Variants in VPS26A observed in about 807,000 individuals in gnomAD.
The protein encoded by VPS26A is VPS26 retromer complex component A, also known as vacuolar protein sorting-associated protein 26A.
Under a neutral mutation model 42.4 loss-of-function variants are expected in VPS26A, and 22 were observed. That is an observed-to-expected ratio of 0.52 (90% CI 0.37 to 0.74). The LOEUF (loss-of-function observed/expected upper bound fraction) is 0.74, where lower values mean the gene tolerates loss of function less well. Among genes scored for constraint, VPS26A ranks in the 30% least tolerant of loss-of-function variants. The pLI, the probability that VPS26A is intolerant of heterozygous loss-of-function variation, is 0.00. For synonymous variants in VPS26A, 110 were observed against 123.5 expected (o/e 0.89, Z 0.73); for missense variants, 276 against 379.2 (o/e 0.73, Z 2.26).
chr10:69,152,924 C>A (rs1214742875), intron 2 of VPS26A, among the ~76,000 whole-genome samples: 1 of 150,228 alleles, frequency 6.7e-6, no homozygotes, highest in African/African-American at 2.5e-5. Flanking sequence ...GAGCCAAGAT[C>A]GTGCCACTGC....
At chr10:69,135,811 T>G (rs764566099) in intron 2 of VPS26A, among the ~76,000 whole-genome samples, 1 of 152,140 alleles carries the variant, frequency 6.6e-6, no homozygotes, top group Non-Finnish European at 1.5e-5. Context: ...ACAACAAAAA[T>G]AAATTATTAT....
intron 2 of VPS26A, among the ~76,000 whole-genome samples, chr10:69,147,753 G>A (rs1325064186): frequency 6.6e-6 from 1 of 151,716 alleles, no homozygotes; most frequent in South Asian, 2.1e-4. Context: ...CTGCTCTGTC[G>A]CCAGGCTGGA....
chr10:69,129,765 C>T lies in VPS26A; in HGVS notation c.4-3133C>T, dbSNP rs182749490. Among the ~76,000 whole-genome samples the T allele has an allele frequency of 2.6e-3, 401 of 152,240 alleles. 3 individuals are homozygous for T. The highest frequency in any genetic ancestry group is 0.02 in the East Asian group (106 of 5,182). On this transcript the variant is annotated intron_variant, in intron 1 of 8. Coordinates refer to ENST00000263559, the MANE Select transcript of VPS26A (RefSeq NM_004896.5). The stretch of plus-strand genomic sequence containing the variant: ...GTCTCGAACTCCTGACCTTGTGATT[C>T]GCCCACCTTGGCCTCCCAAAGTGCT...
rs869048277 is a variant in VPS26A, at chr10:69,149,734, G to GTTTTT, written c.154-6052_154-6048dup. On this transcript the variant is annotated intron_variant, in intron 2 of 8. Transcript: ENST00000263559. ...AATGTTAACTTTCTTGGTGTTTTTT[G>GTTTTT]TTTTTTTTTTTTTTTTTTTTTTTTT... Among the ~76,000 whole-genome samples the GTTTTT allele has an allele frequency of 2.3e-3, 49 of 21,396 alleles. 2 individuals are homozygous for GTTTTT. The highest frequency in any genetic ancestry group is 3.0e-3 in the East Asian group (3 of 1,002). The allele number at this position is 21,396 out of a possible 152,430, so 14.0% of individuals were successfully genotyped here.
intron 5 of VPS26A, among the ~76,000 whole-genome samples, chr10:69,160,493 C>G (rs1270395852): frequency 6.7e-6 from 1 of 150,284 alleles, no homozygotes; most frequent in Non-Finnish European, 1.5e-5. Context: ...TCTCTGTCGT[C>G]CCGTCTGGAG....
intron 1 of VPS26A, among the ~76,000 whole-genome samples, chr10:69,126,609 C>G (rs979667016): frequency 3.6e-4 from 55 of 151,470 alleles, no homozygotes; most frequent in African/African-American, 1.3e-3. Context: ...GAATTGCTGT[C>G]TGCATCATAT....
In VPS26A at chr10:69,171,504, C is replaced by CTTT; in HGVS notation, c.*244_*246dup. 3.1e-5 allele frequency: 9 copies of CTTT among 289,516 alleles called. No individual in the cohort carries two copies. The highest frequency in any genetic ancestry group is 5.6e-5 in the Admixed American group (1 of 17,864). 17.9% of individuals were successfully genotyped at this position (289,516 alleles called of 1,614,324 possible). A position where few individuals can be genotyped will look rare whatever the true frequency, so the allele number is the denominator to read the frequency against. Reference sequence around the variant, plus strand: ...AAACACTGGAACTTTGTTAAGCTGCCTTTTTTTTTTTAACTTCCTACTTTG... The same window carrying CTTT: ...AAACACTGGAACTTTGTTAAGCTGCCTTTTTTTTTTTTTTAACTTCCTACTTTG... On this transcript the variant is annotated 3_prime_UTR_variant, in exon 9 of 9. Coordinates refer to ENST00000263559, the MANE Select transcript of VPS26A (RefSeq NM_004896.5).
chr10:69,126,116 A>C (rs1293323006), intron 1 of VPS26A, among the ~76,000 whole-genome samples: 2 of 152,172 alleles, frequency 1.3e-5, no homozygotes, highest in Non-Finnish European at 2.9e-5. Context: ...CAATATTCCA[A>C]ATGCGCCCTT....
chr10:69,134,545 T>A (rs1003328106), intron 2 of VPS26A, among the ~76,000 whole-genome samples: 1 of 152,208 alleles, frequency 6.6e-6, no homozygotes, highest in Admixed American at 6.5e-5. Context: ...CAAGGCAGCA[T>A]TGAATATGAT....
intron 2 of VPS26A, among the ~76,000 whole-genome samples, chr10:69,152,661 T>C (rs1841339947): frequency 6.6e-6 from 1 of 152,178 alleles, no homozygotes; most frequent in Non-Finnish European, 1.5e-5. Context: ...AAAAGTTACA[T>C]TACCAGCATT....
At chr10:69,137,319 A>G (rs983022576) in intron 2 of VPS26A, among the ~76,000 whole-genome samples, 7 of 152,366 alleles carry the variant, frequency 4.6e-5, no homozygotes, top group African/African-American at 1.4e-4. Context: ...TTAGAAGTCC[A>G]GGTGGAGGTT....
At chr10:69,150,090 A>C (rs1841266510) in intron 2 of VPS26A, among the ~76,000 whole-genome samples, 2 of 149,160 alleles carry the variant, frequency 1.3e-5, no homozygotes, top group Non-Finnish European at 3.0e-5. Flanking sequence ...TTTGAGACTG[A>C]GTCTTACTCT....
chr10:69,173,487 T>C lies in VPS26A; in HGVS notation c.*2218T>C, dbSNP rs956462541. Among the ~76,000 whole-genome samples the C allele has an allele frequency of 6.6e-6, 1 of 151,936 alleles. No individual in the cohort carries two copies. The highest frequency in any genetic ancestry group is 2.4e-5 in the African/African-American group (1 of 41,370). On this transcript the variant is annotated 3_prime_UTR_variant, in exon 9 of 9. Coordinates refer to ENST00000263559, the MANE Select transcript of VPS26A (RefSeq NM_004896.5). Reference sequence around the variant, plus strand: ...AAAATTAACAATGAGCTGGGCATGGTGGCATGCACCTGTATTTCCAGCTAT... The same window carrying C: ...AAAATTAACAATGAGCTGGGCATGGCGGCATGCACCTGTATTTCCAGCTAT...
rs551905291 is a variant in VPS26A, at chr10:69,163,854, C to T, written c.658+1342C>T. On this transcript the variant is annotated intron_variant, in intron 6 of 8. Transcript: ENST00000263559. ...AATCTCGGCTCACTGCAAGCTCCGCCTCCAGGGTTCACGCCATTCTCCTGC... is the reference window on the plus strand; with the variant it reads ...AATCTCGGCTCACTGCAAGCTCCGCTTCCAGGGTTCACGCCATTCTCCTGC... Among the ~76,000 whole-genome samples, 7 of 150,932 alleles carry T rather than the reference C, an allele frequency of 4.6e-5. No individual in the cohort carries two copies. In the East Asian group the frequency reaches 1.4e-3, roughly 29 times the overall value.
intron 2 of VPS26A, among the ~76,000 whole-genome samples, chr10:69,151,964 TTTTC>T (rs1388674710): frequency 6.6e-6 from 1 of 152,172 alleles, no homozygotes; most frequent in Non-Finnish European, 1.5e-5. Flanking sequence ...TAAGTACTAC[TTTTC>T]TTTCTTAAAT....
chr10:69,133,656 TG>T, intron 2 of VPS26A: 1 of 1,249,536 alleles, frequency 8.0e-7, no homozygotes, highest in Non-Finnish European at 1.0e-6. Flanking sequence ...TACGGTTTTT[TG>T]TTTTGGGTTT....
At chr10:69,158,250 C>G (rs1251603406) in intron 5 of VPS26A, 39 bp downstream of exon 5, 1 of 1,486,358 alleles carries the variant, frequency 6.7e-7, no homozygotes. Context: ...AGAGAAAATT[C>G]AAAAATTAAC....
chr10:69,129,220 A>G (rs1412459814), intron 1 of VPS26A, among the ~76,000 whole-genome samples: 1 of 152,034 alleles, frequency 6.6e-6, no homozygotes, highest in Non-Finnish European at 1.5e-5. Context: ...TGCTCCTCCC[A>G]CACAACCCCT....
At chr10:69,125,998 C>G (rs1253256677) in intron 1 of VPS26A, among the ~76,000 whole-genome samples, 3 of 152,168 alleles carry the variant, frequency 2.0e-5, no homozygotes, top group African/African-American at 4.8e-5. Context: ...GATTAGAAAA[C>G]TATAAAAACA....
Sources: allele counts gnomAD v4.1 joint callset (sites outside exome capture counted in the v4.1 genomes callset), GRCh38; gene constraint gnomAD v4.1.1; transcripts MANE v1.5; gene names NCBI Gene and HGNC (gene_info 2026-07-23, HGNC 2026-07-21).